Variants in LRMDA observed in about 807,000 individuals in gnomAD.
LRMDA encodes leucine rich melanocyte differentiation associated.
Under a neutral mutation model 29.8 loss-of-function variants are expected in LRMDA, and 18 were observed. That is an observed-to-expected ratio of 0.60 (90% CI 0.42 to 0.90). The LOEUF (loss-of-function observed/expected upper bound fraction) is 0.90, where lower values mean the gene tolerates loss of function less well. Ranked by LOEUF, LRMDA falls within the 40% of genes least tolerant of loss-of-function variation. The probability of loss-of-function intolerance (pLI) is 0.00; values close to 1 mark genes in which losing one functional copy is unlikely to be tolerated. For missense variants in LRMDA, 273 were observed against 273.9 expected (o/e 1.00, Z 0.02); for synonymous variants, 125 against 109.4 (o/e 1.14, Z -0.89).
chr10:75,621,224 A>ACACCCACC (rs1554816440), intron 2 of LRMDA, among the ~76,000 whole-genome samples: 83 of 143,284 alleles, frequency 5.8e-4, no homozygotes, highest in African/African-American at 2.1e-3. Flanking sequence ...ACACACACAC[A>ACACCCACC]CCCACACACC....
At chr10:75,878,694 C>T (rs1043833116) in intron 2 of LRMDA, among the ~76,000 whole-genome samples, 1 of 152,106 alleles carries the variant, frequency 6.6e-6, no homozygotes, top group Non-Finnish European at 1.5e-5. Flanking sequence ...GGGTACAAGC[C>T]CAAGGGTGAA....
intron 2 of LRMDA, among the ~76,000 whole-genome samples, chr10:75,750,062 T>A (rs1842936366): frequency 6.6e-6 from 1 of 152,254 alleles, no homozygotes; most frequent in Non-Finnish European, 1.5e-5. Context: ...TGATTTCTCT[T>A]TCTTTTCCCC....
At chr10:75,691,187 T>C (rs1378826056) in intron 2 of LRMDA, among the ~76,000 whole-genome samples, 7 of 138,286 alleles carry the variant, frequency 5.1e-5, no homozygotes, top group African/African-American at 1.6e-4. Flanking sequence ...TCTATGTACA[T>C]AGATATATAT....
chr10:76,547,761 G>A (rs1181742968), intron 6 of LRMDA, among the ~76,000 whole-genome samples: 1 of 152,122 alleles, frequency 6.6e-6, no homozygotes, highest in Non-Finnish European at 1.5e-5. Context: ...TTGACTGACA[G>A]CCTGGTTGAT....
At chr10:75,597,664 TTAAA>T (rs1194321784) in intron 2 of LRMDA, among the ~76,000 whole-genome samples, 1 of 152,192 alleles carries the variant, frequency 6.6e-6, no homozygotes, top group Non-Finnish European at 1.5e-5. Flanking sequence ...TTTTTAATCT[TTAAA>T]TAAGACGATT....
chr10:75,454,458 C>A (rs930857533), intron 2 of LRMDA, among the ~76,000 whole-genome samples: 22 of 152,138 alleles, frequency 1.4e-4, no homozygotes, highest in African/African-American at 4.3e-4. Flanking sequence ...GCCAAAGCAC[C>A]ATACTCTGGG....
chr10:76,153,923 T>G (rs2132168914), intron 5 of LRMDA, among the ~76,000 whole-genome samples: 1 of 152,322 alleles, frequency 6.6e-6, no homozygotes, highest in East Asian at 1.9e-4. Context: ...GCTTCAAATG[T>G]TGGCAGTGGC....
Position 75,682,807 on chromosome 10 carries a change from C to T in LRMDA, c.131+244313C>T, listed in dbSNP as rs117048381. Among the ~76,000 whole-genome samples the T allele has an allele frequency of 1.0e-3, 158 of 152,150 alleles. 2 individuals are homozygous for T. In the East Asian group the frequency reaches 0.021, roughly 20 times the overall value. ...CCTTGAGCCTGACTGTTTGACTCAGCGCAGCATCAATCCCCCTGAGACTGG... is the reference window on the plus strand; with the variant it reads ...CCTTGAGCCTGACTGTTTGACTCAGTGCAGCATCAATCCCCCTGAGACTGG... On this transcript the variant is annotated intron_variant, in intron 2 of 6. Transcript: ENST00000611255.
chr10:75,745,274 C>T (rs1842876107), intron 2 of LRMDA, among the ~76,000 whole-genome samples: 1 of 149,350 alleles, frequency 6.7e-6, no homozygotes, highest in Admixed American at 6.7e-5. Context: ...CTTTCTCTCT[C>T]TCTCTCCGTG....
At chr10:76,296,337 A>G (rs1420771106) in intron 5 of LRMDA, among the ~76,000 whole-genome samples, 1 of 152,234 alleles carries the variant, frequency 6.6e-6, no homozygotes, top group Non-Finnish European at 1.5e-5. Flanking sequence ...CTGCAGAGCC[A>G]TAGGCAGATG....
At chr10:75,565,047 T>A (rs980541583) in intron 2 of LRMDA, among the ~76,000 whole-genome samples, 1 of 152,218 alleles carries the variant, frequency 6.6e-6, no homozygotes, top group African/African-American at 2.4e-5. Flanking sequence ...CAAAAATTCA[T>A]GTGATCATTT....
In LRMDA at chr10:76,196,581, C is replaced by T. The variant is rs969464192; in HGVS notation, c.517-127820C>T. 3.3e-5 allele frequency among the ~76,000 whole-genome samples: 5 copies of T among 152,158 alleles called. No individual in the cohort carries two copies. The East Asian group carries it at 9.6e-4, about 29-fold the overall frequency. On this transcript the variant is annotated intron_variant, in intron 5 of 6. Coordinates refer to ENST00000611255, the MANE Select transcript of LRMDA (RefSeq NM_001305581.2). ...CCATTCAGGAAGATTTATCAAGTGG[C>T]TAGTTATTATAGAACAGGACAGAAT... is the stretch of plus-strand genomic sequence containing the variant.
chr10:75,820,328 G>A (rs1437705328), intron 2 of LRMDA, among the ~76,000 whole-genome samples: 1 of 151,196 alleles, frequency 6.6e-6, no homozygotes, highest in Non-Finnish European at 1.5e-5. Context: ...GAGTGAAATA[G>A]AACTAGAGAT....
At chr10:76,472,088 C>T (rs1842623834) in intron 6 of LRMDA, among the ~76,000 whole-genome samples, 1 of 151,726 alleles carries the variant, frequency 6.6e-6, no homozygotes, top group Non-Finnish European at 1.5e-5. Context: ...TACCAGACAT[C>T]TGTAGACCTT....
At chr10:75,859,615 AC>A (rs374878834) in intron 2 of LRMDA, among the ~76,000 whole-genome samples, 67,888 of 147,474 alleles carry the variant, frequency 0.46, 15,700 homozygotes, top group South Asian at 0.58. Context: ...ACACACACAC[AC>A]ACACACACAC....
In LRMDA at chr10:75,828,989, C is replaced by T. The variant is rs566434550; in HGVS notation, c.132-207019C>T. Among the ~76,000 whole-genome samples, 10 of 152,248 alleles carry T rather than the reference C, an allele frequency of 6.6e-5. No homozygotes were observed. The South Asian group carries it at 2.1e-3, about 32-fold the overall frequency. On this transcript the variant is annotated intron_variant, in intron 2 of 6. Coordinates refer to ENST00000611255, the MANE Select transcript of LRMDA (RefSeq NM_001305581.2). ...TGAGCCTGCAGGCTTTTTTTAGGTG[C>T]TGCAGCCAGTCAAGGTGAAGGACTA...
At chr10:76,326,866 A>G (rs1840839651) in intron 6 of LRMDA, among the ~76,000 whole-genome samples, 1 of 152,170 alleles carries the variant, frequency 6.6e-6, no homozygotes, top group African/African-American at 2.4e-5. Flanking sequence ...TAGATAATCC[A>G]TATATCACAG....
rs190859243 is a variant in LRMDA, at chr10:75,807,651, G to A, written c.132-228357G>A. Among the ~76,000 whole-genome samples, 8 of 152,266 alleles carry A rather than the reference G, an allele frequency of 5.3e-5. No homozygotes were observed. The East Asian group carries it at 1.5e-3, about 29-fold the overall frequency. ...AGCTTGACGAACAGTGGCCGAAAAT[G>A]GCAGGGGATTAAACTGATGTAATGA... On this transcript the variant is annotated intron_variant, in intron 2 of 6. Transcript: ENST00000611255.
intron 5 of LRMDA, among the ~76,000 whole-genome samples, chr10:76,093,814 C>G (rs1043565133): frequency 6.6e-5 from 10 of 152,174 alleles, no homozygotes; most frequent in Non-Finnish European, 1.5e-4. Flanking sequence ...CACGTTCCCC[C>G]ACCTGATATT....
Sources: gnomAD v4.1 joint callset for allele counts (sites outside exome capture counted in the v4.1 genomes callset) on GRCh38, gnomAD v4.1.1 for gene constraint, MANE v1.5 for transcripts, NCBI Gene and HGNC (gene_info 2026-07-23, HGNC 2026-07-21) for gene names.